NRG1: variants seen among roughly 807,000 people sequenced by gnomAD.
NRG1 encodes neuregulin 1.
A neutral mutation model predicts 63.8 loss-of-function variants in NRG1; 18 were observed. The observed-to-expected ratio is 0.28, with a 90% CI of 0.19 to 0.42. NRG1 has a LOEUF of 0.42. Among genes scored for constraint, NRG1 ranks in the 10% least tolerant of loss-of-function variants. NRG1 has a pLI of 1.00. For synonymous variants in NRG1, 302 were observed against 301.3 expected (o/e 1.00, Z -0.02); for missense variants, 762 against 814.7 (o/e 0.94, Z 0.79).
chr8:32,168,338 C>T (rs556861635), intron 1 of NRG1, among the ~76,000 whole-genome samples: 2 of 152,238 alleles, frequency 1.3e-5, no homozygotes, highest in East Asian at 1.9e-4. Context: ...TATTACTGGT[C>T]AACACAATGT....
rs190967905 is a variant in NRG1, at chr8:31,989,185, T to A, written c.37+349754T>A. Among the ~76,000 whole-genome samples, 570 of 133,516 alleles carry A rather than the reference T, an allele frequency of 4.3e-3. 2 individuals are homozygous for A. Among genetic ancestry groups the A allele is most frequent in the Non-Finnish European group, 5.4e-3 (353 of 65,902 alleles). The allele number at this position is 133,516 out of a possible 152,430, so 87.6% of individuals were successfully genotyped here. A position where few individuals can be genotyped will look rare whatever the true frequency, so the allele number is the denominator to read the frequency against. On this transcript the variant is annotated intron_variant, in intron 1 of 10. Transcript: ENST00000519301. ...TCAGTTGAACCCAGGAGGCAGAGGTTGCAGTGAAGCCGAGATTACTGTTGA... is the reference window on the plus strand; with the variant it reads ...TCAGTTGAACCCAGGAGGCAGAGGTAGCAGTGAAGCCGAGATTACTGTTGA...
chr8:31,665,180 C>T (rs2130961313), intron 1 of NRG1, among the ~76,000 whole-genome samples: 1 of 152,270 alleles, frequency 6.6e-6, no homozygotes, highest in African/African-American at 2.4e-5. Context: ...AACCCTATCA[C>T]TCCCATTTTA....
chr8:31,917,617 T>G (rs1192200398), intron 1 of NRG1, among the ~76,000 whole-genome samples: 4 of 152,200 alleles, frequency 2.6e-5, no homozygotes, highest in Admixed American at 1.3e-4. Flanking sequence ...AGCCTTGTAG[T>G]ATAGTTGGAA....
At chr8:31,896,356 C>T (rs1278662944) in intron 1 of NRG1, among the ~76,000 whole-genome samples, 1 of 152,168 alleles carries the variant, frequency 6.6e-6, no homozygotes, top group East Asian at 1.9e-4. Context: ...CTTAATAAGT[C>T]CAAACTCTTT....
intron 1 of NRG1, among the ~76,000 whole-genome samples, chr8:32,271,085 C>G (rs973475510): frequency 6.6e-6 from 1 of 151,996 alleles, no homozygotes; most frequent in Non-Finnish European, 1.5e-5. Flanking sequence ...TCTGTTTCTC[C>G]TCTTGTCAAA....
chr8:32,440,102 G>C (rs182088897), intron 1 of NRG1, among the ~76,000 whole-genome samples: 1 of 152,112 alleles, frequency 6.6e-6, no homozygotes, highest in Admixed American at 6.5e-5. Flanking sequence ...CTCTTACAAG[G>C]TGGCAGGAGA....
At chr8:31,792,026 G>C (rs1394683997) in intron 1 of NRG1, among the ~76,000 whole-genome samples, 1 of 152,128 alleles carries the variant, frequency 6.6e-6, no homozygotes, top group Non-Finnish European at 1.5e-5. Context: ...GCAGCAGCCA[G>C]GTTGGCCTTT....
chr8:31,888,553 C>CTGGAA (rs1830903620), intron 1 of NRG1, among the ~76,000 whole-genome samples: 1 of 152,010 alleles, frequency 6.6e-6, no homozygotes, highest in Admixed American at 6.6e-5. Flanking sequence ...TCAGAATTGT[C>CTGGAA]TTCTCTTGAA....
chr8:32,745,117 A>T (rs1193566144), intron 7 of NRG1, among the ~76,000 whole-genome samples: 1 of 152,114 alleles, frequency 6.6e-6, no homozygotes, highest in East Asian at 1.9e-4. Context: ...TTCAATTTTT[A>T]TCTCTGCAAA....
intron 5 of NRG1, among the ~76,000 whole-genome samples, chr8:32,627,256 A>G (rs1197695904): frequency 6.6e-6 from 1 of 152,156 alleles, no homozygotes; most frequent in African/African-American, 2.4e-5. Context: ...GCTGGAAATT[A>G]ATTTACACTA....
At chr8:32,226,066 A>G (rs991418057) in intron 1 of NRG1, among the ~76,000 whole-genome samples, 1 of 152,178 alleles carries the variant, frequency 6.6e-6, no homozygotes, top group African/African-American at 2.4e-5. Flanking sequence ...TGCATTGAGG[A>G]CTGAAGATAT....
intron 1 of NRG1, among the ~76,000 whole-genome samples, chr8:31,998,069 G>A (rs1259848957): frequency 6.6e-6 from 1 of 151,936 alleles, no homozygotes; most frequent in Non-Finnish European, 1.5e-5. Context: ...AGGGCCTGGG[G>A]TGAGTTTCTC....
In NRG1 at chr8:31,692,721, C is replaced by T. The variant is rs142229144; in HGVS notation, c.37+53290C>T. Among the ~76,000 whole-genome samples the T allele has an allele frequency of 9.9e-5, 15 of 152,196 alleles. No individual in the cohort carries two copies. The East Asian group carries it at 1.4e-3, about 14-fold the overall frequency. ...GAATAGTAGTAGTTCACATACTTCACGAAGTAAATTAAATGTGATTATATT... is the reference window on the plus strand; with the variant it reads ...GAATAGTAGTAGTTCACATACTTCATGAAGTAAATTAAATGTGATTATATT... On this transcript the variant is annotated intron_variant, in intron 1 of 10. Coordinates refer to the NRG1 transcript ENST00000519301.
chr8:32,723,749 C>A (rs1341133055), intron 5 of NRG1, among the ~76,000 whole-genome samples: 57 of 76,960 alleles, frequency 7.4e-4, no homozygotes, highest in Admixed American at 8.3e-4. Context: ...GAAGGAAGGA[C>A]GGAAATAAGG....
intron 1 of NRG1, among the ~76,000 whole-genome samples, chr8:31,823,082 G>C (rs907986176): frequency 7.0e-6 from 1 of 143,712 alleles, no homozygotes; most frequent in Non-Finnish European, 1.5e-5. Context: ...GTGTGTGGTA[G>C]TTTGGTTTAT....
chr8:31,728,712 G>A (rs1427798716), intron 1 of NRG1, among the ~76,000 whole-genome samples: 1 of 152,114 alleles, frequency 6.6e-6, no homozygotes, highest in Non-Finnish European at 1.5e-5. Context: ...ACAAGTCATG[G>A]ACTTTAAGGT....
At chr8:32,456,730 G>A (rs545833041) in intron 1 of NRG1, among the ~76,000 whole-genome samples, 3 of 152,244 alleles carry the variant, frequency 2.0e-5, no homozygotes, top group African/African-American at 7.2e-5. Context: ...GCTAAATTCT[G>A]GGGGAGTCAA....
chr8:32,326,980 A>G (rs1380433425), intron 1 of NRG1, among the ~76,000 whole-genome samples: 2 of 152,232 alleles, frequency 1.3e-5, no homozygotes, highest in Non-Finnish European at 2.9e-5. Flanking sequence ...CTTTCAATAA[A>G]TAGAACCTCA....
intron 1 of NRG1, among the ~76,000 whole-genome samples, chr8:32,103,437 A>T (rs1830827647): frequency 6.6e-6 from 1 of 152,180 alleles, no homozygotes; most frequent in African/African-American, 2.4e-5. Context: ...TCATGTGTTG[A>T]TGGATACTTA....
Sources: gnomAD v4.1 joint callset for allele counts (sites outside exome capture counted in the v4.1 genomes callset) on GRCh38, gnomAD v4.1.1 for gene constraint, MANE v1.5 for transcripts, NCBI Gene and HGNC (gene_info 2026-07-23, HGNC 2026-07-21) for gene names.